Variants in ABLIM1 observed in about 807,000 individuals in gnomAD.
The protein encoded by ABLIM1 is actin binding LIM protein 1, also known as actin-binding LIM protein 1.
Under a neutral mutation model 107.0 loss-of-function variants are expected in ABLIM1, and 40 were observed. The ratio of observed to expected loss-of-function variants is 0.37; its 90% CI spans 0.29 to 0.49. ABLIM1 has a LOEUF of 0.49. Ranked by LOEUF, ABLIM1 falls within the 20% of genes least tolerant of loss-of-function variation. ABLIM1 has a pLI of 0.97. For synonymous variants in ABLIM1, 357 were observed against 357.3 expected, an observed-to-expected ratio of 1.00 and a Z score of 0.01; for missense variants, 857 against 1,008.5, an observed-to-expected ratio of 0.85 and a Z score of 2.04.
At chr10:114,446,165 G>C (rs548297816) in intron 15 of ABLIM1, among the ~76,000 whole-genome samples, 5 of 152,304 alleles carry the variant, frequency 3.3e-5, no homozygotes, top group African/African-American at 1.2e-4. Context: ...AAACCTTGTA[G>C]TTTTCTCTTT....
rs560608793 is a variant in ABLIM1 at position 114,720,877 on chromosome 10, C to A, written c.-213+47184G>T. On this transcript the variant is annotated intron_variant, in intron 1 of 15. Transcript: ENST00000651092. ...TTCAGTCTTCACCACTCCAACTGTGCAAATAAACAAGCAAGAATAACTACT... is the reference window on the plus strand; with the variant it reads ...TTCAGTCTTCACCACTCCAACTGTGAAAATAAACAAGCAAGAATAACTACT... 5.3e-5 allele frequency among the ~76,000 whole-genome samples: 8 copies of A among 152,260 alleles called. No homozygotes were observed. The South Asian group carries it at 1.7e-3, about 32-fold the overall frequency.
At chr10:114,485,288 A>G (rs41284346) in intron 8 of ABLIM1, 34,613 of 1,601,564 alleles carry the variant, frequency 0.022, 524 homozygotes, top group East Asian at 0.074. Flanking sequence ...GCCTAGACAC[A>G]ATGCCAACCT....
the ABLIM1 span, among the ~76,000 whole-genome samples, chr10:114,784,808 T>C: frequency 6.6e-6 from 1 of 151,870 alleles, no homozygotes; most frequent in African/African-American, 2.4e-5. Flanking sequence ...GAGGGTAGAA[T>C]CTGAACCCAG....
intron 2 of ABLIM1, among the ~76,000 whole-genome samples, chr10:114,599,187 T>C (rs2075749321): frequency 6.6e-6 from 1 of 152,234 alleles, no homozygotes; most frequent in African/African-American, 2.4e-5. Context: ...AACATTTTGT[T>C]AAATTGAAAA....
rs570345932 is a variant in ABLIM1, at chr10:114,569,523, T to C, written c.673+1774A>G. 3.7e-4 allele frequency among the ~76,000 whole-genome samples: 57 copies of C among 152,254 alleles called. 1 individual carries two copies. In the South Asian group the frequency reaches 5.6e-3, roughly 15 times the overall value. The stretch of plus-strand genomic sequence containing the variant: ...TTAGTAGCGATGGGGTTTCAACATG[T>C]TGGACAGGCTAGTCTTGAACTCCTG... On this transcript the variant is annotated intron_variant, in intron 4 of 22. Coordinates refer to ENST00000533213, the MANE Select transcript of ABLIM1 (RefSeq NM_002313.7).
At chr10:114,745,125 C>T (rs914353300) in intron 1 of ABLIM1, among the ~76,000 whole-genome samples, 2 of 152,110 alleles carry the variant, frequency 1.3e-5, no homozygotes, top group Non-Finnish European at 2.9e-5. Context: ...ACTAATTGGT[C>T]TGCTTGTCCT....
At chr10:114,503,133 A>G (rs1472155730) in intron 6 of ABLIM1, among the ~76,000 whole-genome samples, 3 of 152,152 alleles carry the variant, frequency 2.0e-5, no homozygotes, top group Admixed American at 2.0e-4. Flanking sequence ...CCATTCTACT[A>G]TTGATGGGCA....
intron 1 of ABLIM1, among the ~76,000 whole-genome samples, chr10:114,604,022 T>C (rs1212710109): frequency 6.6e-6 from 1 of 152,142 alleles, no homozygotes; most frequent in African/African-American, 2.4e-5. Context: ...TTTAAGTTAA[T>C]TCCTGCTTCT....
chr10:114,762,441 T>TTCAATAAATAAA (rs1566314913), intron 1 of ABLIM1, among the ~76,000 whole-genome samples: 1 of 152,178 alleles, frequency 6.6e-6, no homozygotes, highest in Non-Finnish European at 1.5e-5. Context: ...GTAACAATTA[T>TTCAATAAATAAA]TCAATAAATG....
At chr10:114,725,228 G>A (rs930964207) in intron 1 of ABLIM1, among the ~76,000 whole-genome samples, 1 of 152,060 alleles carries the variant, frequency 6.6e-6, no homozygotes, top group African/African-American at 2.4e-5. Context: ...TTTACCTGGT[G>A]GATATACCAG....
chr10:114,684,246 C>T, intron 1 of ABLIM1: 2 of 1,596,452 alleles, frequency 1.3e-6, no homozygotes, highest in South Asian at 1.1e-5. Context: ...CACGGTCGAC[C>T]CCAGACAGAA....
At chr10:114,737,552 T>TG (rs557329147) in intron 1 of ABLIM1, among the ~76,000 whole-genome samples, 257 of 152,286 alleles carry the variant, frequency 1.7e-3, no homozygotes, top group Non-Finnish European at 2.8e-3. Context: ...GCTCATGTCC[T>TG]GCCAAGTTCT....
intron 1 of ABLIM1, among the ~76,000 whole-genome samples, chr10:114,626,062 C>T (rs114056392): frequency 0.022 from 3,330 of 152,200 alleles, 132 homozygotes; most frequent in African/African-American, 0.07. Context: ...AGGAGAACCC[C>T]GCATGACAAG....
At chr10:114,787,664 G>A in the ABLIM1 span, among the ~76,000 whole-genome samples, 1 of 134,006 alleles carries the variant, frequency 7.5e-6, no homozygotes, top group African/African-American at 2.7e-5. Context: ...GGGAAGTGAG[G>A]AGCCCCTCTG....
intron 8 of ABLIM1, among the ~76,000 whole-genome samples, chr10:114,482,682 A>G (rs1195596346): frequency 1.3e-5 from 2 of 152,212 alleles, no homozygotes; most frequent in Non-Finnish European, 2.9e-5. Flanking sequence ...AGTTGACTTC[A>G]TTGATAGTTA....
chr10:114,679,660 T>C (rs2080657254), intron 1 of ABLIM1, among the ~76,000 whole-genome samples: 1 of 147,576 alleles, frequency 6.8e-6, no homozygotes, highest in Non-Finnish European at 1.5e-5. Context: ...AAAAGAAATA[T>C]CTTAAACCTT....
At chr10:114,666,232 G>C (rs778532889) in intron 1 of ABLIM1, among the ~76,000 whole-genome samples, 1 of 152,102 alleles carries the variant, frequency 6.6e-6, no homozygotes, top group Non-Finnish European at 1.5e-5. Context: ...AGTGTGGAGA[G>C]AAAATTCTGG....
intron 17 of ABLIM1, among the ~76,000 whole-genome samples, chr10:114,443,165 G>A (rs904641908): frequency 6.6e-6 from 1 of 152,166 alleles, no homozygotes; most frequent in African/African-American, 2.4e-5. Flanking sequence ...TATGAGAGAA[G>A]AAATCTTGTG....
At chr10:114,506,866 G>A (rs2061226953) in intron 6 of ABLIM1, among the ~76,000 whole-genome samples, 1 of 152,156 alleles carries the variant, frequency 6.6e-6, no homozygotes, top group African/African-American at 2.4e-5. Flanking sequence ...GTCAATTTCT[G>A]GTTTGGCTGC....
Sources: allele counts gnomAD v4.1 joint callset (sites outside exome capture counted in the v4.1 genomes callset), GRCh38; gene constraint gnomAD v4.1.1; transcripts MANE v1.5; gene names NCBI Gene and HGNC (gene_info 2026-07-23, HGNC 2026-07-21).